WNK1: variants seen among roughly 807,000 people sequenced by gnomAD.
WNK1 encodes WNK lysine deficient protein kinase 1.
WNK1 carries 38 observed loss-of-function variants against 222.8 expected under a neutral mutation model. That is an observed-to-expected ratio of 0.17 (90% confidence interval 0.13 to 0.22). The LOEUF (loss-of-function observed/expected upper bound fraction) is 0.22. Ranked by LOEUF, WNK1 falls within the 10% of genes least tolerant of loss-of-function variation. WNK1 has a pLI of 1.00. For synonymous variants in WNK1, 1,090 were observed against 1,092.9 expected, an observed-to-expected ratio of 1.00 and a Z score of 0.05; for missense variants, 2,348 against 2,918.4, an observed-to-expected ratio of 0.80 and a Z score of 4.50.
At chr12:843,282 C>G (rs1216564924) in intron 4 of WNK1, among the ~76,000 whole-genome samples, 1 of 152,144 alleles carries the variant, frequency 6.6e-6, no homozygotes, top group African/African-American at 2.4e-5. Flanking sequence ...ATCCTTTACA[C>G]TCTTTAAAGT....
At chr12:760,491 A>G (rs943937713) in intron 1 of WNK1, among the ~76,000 whole-genome samples, 1 of 147,674 alleles carries the variant, frequency 6.8e-6, no homozygotes, top group African/African-American at 2.4e-5. Context: ...CTGAAATACT[A>G]TGTGAATGTA....
Position 911,254 on chromosome 12 carries a change from C to T in WNK1, c.*2462C>T. The T allele has an allele frequency of 2.5e-6, 1 of 398,528 alleles. No individual in the cohort carries two copies. The highest frequency in any genetic ancestry group is 3.6e-5 in the East Asian group (1 of 28,070). The allele number at this position is 398,528 out of a possible 1,614,324, so 24.7% of individuals were successfully genotyped here. A position where few individuals can be genotyped will look rare whatever the true frequency, so the allele number is the denominator to read the frequency against. On this transcript the variant is annotated 3_prime_UTR_variant, in exon 28 of 28. Transcript: ENST00000315939. The stretch of plus-strand genomic sequence containing the variant: ...TTCTGAATTATAAATGTTTTCCTTA[C>T]ATTATTTAACAATGTACACTGTTAA...
chr12:908,884 T>G lies in WNK1; in HGVS notation c.*92T>G. On this transcript the variant is annotated 3_prime_UTR_variant, in exon 28 of 28. Coordinates refer to ENST00000315939, the MANE Select transcript of WNK1 (RefSeq NM_018979.4). Reference sequence around the variant, plus strand: ...GGGAAGTAGCCTATATACTAACTACTAGTGCTGCATTTAACTGGTTATTTC... The same window carrying G: ...GGGAAGTAGCCTATATACTAACTACGAGTGCTGCATTTAACTGGTTATTTC... The G allele has an allele frequency of 3.0e-6, 4 of 1,315,276 alleles. No individual in the cohort carries two copies. Among genetic ancestry groups the G allele is most frequent in the Non-Finnish European group, 4.3e-6 (4 of 933,588 alleles). The allele number at this position is 1,315,276 out of a possible 1,614,324, so 81.5% of individuals were successfully genotyped here. A position where few individuals can be genotyped will look rare whatever the true frequency, so the allele number is the denominator to read the frequency against.
Position 890,505 on chromosome 12 carries a change from A to T in WNK1, c.5501A>T (p.Gln1834Leu). 1 of 1,614,140 alleles carries T rather than the reference A, an allele frequency of 6.2e-7. No individual in the cohort carries two copies. The highest frequency in any genetic ancestry group is 8.5e-7 in the Non-Finnish European group (1 of 1,179,992). Residue 1834 changes from glutamine (Q) to leucine (L), a missense_variant, in exon 22 of 28, where the codon CAG (glutamine) becomes CTG (leucine). By Grantham distance (113) the Gln-to-Leu change is moderately radical. Around this residue, in one of 13 missense-constraint regions of WNK1, gnomAD observed 1,144 missense variants for 1,273.6 expected, o/e 0.90. Coordinates refer to ENST00000315939, the MANE Select transcript of WNK1 (RefSeq NM_018979.4). ...TAITEAGTQPQKGVSQVKEGP... is the reference protein window; with the variant it reads ...TAITEAGTQPLKGVSQVKEGP... Reference sequence around the variant, plus strand: ...ATCACAGAAGCAGGAACACAGCCTCAGAAGGGTGGTGAGAAACATCCTTCC... The same window carrying T: ...ATCACAGAAGCAGGAACACAGCCTCTGAAGGGTGGTGAGAAACATCCTTCC...
chr12:793,270 A>G (rs1027153594), intron 1 of WNK1, among the ~76,000 whole-genome samples: 3 of 152,306 alleles, frequency 2.0e-5, no homozygotes, highest in East Asian at 1.9e-4. Context: ...TGAGATACCA[A>G]ATTCTTAGCT....
chr12:897,636 T>A lies in WNK1; in HGVS notation c.6403T>A (p.Ser2135Thr). 1.2e-6 allele frequency: 2 copies of A among 1,614,196 alleles called. No individual in the cohort carries two copies. Among genetic ancestry groups the A allele is most frequent in the Non-Finnish European group, 1.7e-6 (2 of 1,180,036 alleles). The part of the protein sequence containing the change: ...RRPTKSKGSK[S>T]SRSSSLGNKS... ...ACCCACTAAAAGCAAAGGCAGCAAA[T>A]CTAGTCGAAGCAGTTCCTTGGGGAA... The change falls in exon 25 of 28, where the codon TCT becomes ACT. Residue 2135 changes from serine to threonine, a missense_variant. Physicochemically the swap from Ser to Thr is moderately conservative, Grantham distance 58. Around this residue, in one of 13 missense-constraint regions of WNK1, gnomAD observed 1,144 missense variants for 1,273.6 expected, o/e 0.90. Transcript: ENST00000315939.
At chr12:841,099 C>CA (rs1949593289) in intron 4 of WNK1, among the ~76,000 whole-genome samples, 2 of 152,088 alleles carry the variant, frequency 1.3e-5, no homozygotes, top group African/African-American at 4.8e-5. Context: ...TAAACTGAGA[C>CA]AAAAATCATA....
At chr12:817,182 G>C (rs889452558) in intron 2 of WNK1, among the ~76,000 whole-genome samples, 1 of 152,064 alleles carries the variant, frequency 6.6e-6, no homozygotes, top group African/African-American at 2.4e-5. Context: ...AGAAGACCCA[G>C]ATAGATTTAA....
chr12:760,296 C>G (rs1174309639), intron 1 of WNK1, among the ~76,000 whole-genome samples: 1 of 147,314 alleles, frequency 6.8e-6, no homozygotes, highest in Non-Finnish European at 1.5e-5. Flanking sequence ...TATATTTTGT[C>G]TAATCCATTA....
intron 26 of WNK1, 150 bp downstream of exon 26, chr12:900,820 G>A: frequency 1.0e-6 from 1 of 979,146 alleles, no homozygotes; most frequent in Non-Finnish European, 1.6e-6. Flanking sequence ...AAAGGGAAGT[G>A]GAGTGATAAT....
intron 9 of WNK1, among the ~76,000 whole-genome samples, chr12:872,951 T>A (rs1288013119): frequency 1.3e-5 from 2 of 152,260 alleles, no homozygotes; most frequent in East Asian, 3.8e-4. Context: ...GGACTGGGAC[T>A]TATATGCTTT....
intron 1 of WNK1, among the ~76,000 whole-genome samples, chr12:790,269 A>G (rs916153350): frequency 6.6e-6 from 1 of 152,040 alleles, no homozygotes; most frequent in Non-Finnish European, 1.5e-5. Flanking sequence ...ATTTTTTATT[A>G]CATTTTGTTT....
chr12:900,138 A>T (rs1034654909), intron 25 of WNK1, among the ~76,000 whole-genome samples: 1 of 146,794 alleles, frequency 6.8e-6, no homozygotes. Flanking sequence ...GGCACCCTCC[A>T]CCACGCCTGG....
In WNK1 at chr12:868,747, A is replaced by G. The variant is rs766274062; in HGVS notation, c.2140-2518A>G. On this transcript the variant is annotated intron_variant, in intron 8 of 27. Coordinates refer to ENST00000315939, the MANE Select transcript of WNK1 (RefSeq NM_018979.4). ...TGAATCAAGAAGAACTGCCTCCTCA[A>G]TCAGTTGGATTACATGGCTACTTGC... 1.9e-5 allele frequency: 31 copies of G among 1,613,894 alleles called. No individual in the cohort carries two copies. Among genetic ancestry groups the G allele is most frequent in the Admixed American group, 6.7e-5 (4 of 60,012 alleles).
chr12:778,298 ATTT>A (rs1487570793), intron 1 of WNK1, among the ~76,000 whole-genome samples: 1 of 151,718 alleles, frequency 6.6e-6, no homozygotes, highest in Non-Finnish European at 1.5e-5. Flanking sequence ...CTCTTTTTAA[ATTT>A]TTTATTATTA....
At chr12:847,483 C>G (rs1229393748) in intron 4 of WNK1, among the ~76,000 whole-genome samples, 1 of 152,132 alleles carries the variant, frequency 6.6e-6, no homozygotes, top group Non-Finnish European at 1.5e-5. Context: ...CTAAAGTATT[C>G]AGTGAACAAG....
chr12:862,833 G>A (rs1592066771), intron 8 of WNK1, among the ~76,000 whole-genome samples: 1 of 152,208 alleles, frequency 6.6e-6, no homozygotes, highest in East Asian at 1.9e-4. Flanking sequence ...TCCTTCCCCA[G>A]TATATGTTCT....
intron 24 of WNK1, 82 bp downstream of exon 24, chr12:896,814 C>T (rs181439321): frequency 6.1e-5 from 91 of 1,483,320 alleles, no homozygotes; most frequent in South Asian, 4.6e-4. Context: ...TAATATTTTT[C>T]GCCACAATAT....
chr12:804,951 A>G (rs956385230), intron 1 of WNK1, among the ~76,000 whole-genome samples: 1 of 144,682 alleles, frequency 6.9e-6, no homozygotes, highest in South Asian at 2.1e-4. Flanking sequence ...ATATATATAT[A>G]ATATAAAATA....
Sources: allele counts gnomAD v4.1 joint callset (sites outside exome capture counted in the v4.1 genomes callset), GRCh38; gene constraint gnomAD v4.1.1; regional missense constraint gnomAD v4.1.1; transcripts MANE v1.5; gene names NCBI Gene and HGNC (gene_info 2026-07-23, HGNC 2026-07-21).